Variants in ERBB4 observed in about 807,000 individuals in gnomAD.
ERBB4 encodes the protein erb-b2 receptor tyrosine kinase 4.
In ERBB4, 42 loss-of-function variants were observed where a neutral mutation model predicts 158.0. The observed-to-expected ratio is 0.27, with a 90% CI of 0.21 to 0.34. The LOEUF (loss-of-function observed/expected upper bound fraction) is 0.34. ERBB4 is among the 10% of genes least tolerant of loss of function. ERBB4 has a pLI of 1.00. For missense variants in ERBB4, 1,333 were observed against 1,624.1 expected (o/e 0.82, Z 3.08); for synonymous variants, 583 against 558.7 (o/e 1.04, Z -0.61).
chr2:212,335,660 G>C (rs937411443), intron 1 of ERBB4, among the ~76,000 whole-genome samples: 1 of 151,974 alleles, frequency 6.6e-6, no homozygotes, highest in African/African-American at 2.4e-5. Context: ...AGTAACCACA[G>C]CAATCAGATT....
chr2:211,612,509 T>C (rs953001051), intron 19 of ERBB4, among the ~76,000 whole-genome samples: 2 of 151,888 alleles, frequency 1.3e-5, no homozygotes, highest in Non-Finnish European at 2.9e-5. Flanking sequence ...ACACTTAAGC[T>C]GAGAAAATAA....
chr2:212,177,954 G>GTGTT (rs1293934303), intron 1 of ERBB4, among the ~76,000 whole-genome samples: 3 of 96,934 alleles, frequency 3.1e-5, no homozygotes, highest in South Asian at 3.3e-4. Context: ...GTGTTTGTGA[G>GTGTT]TGTGAGTGTG....
chr2:212,068,021 G>T (rs1336447029), intron 2 of ERBB4, among the ~76,000 whole-genome samples: 2 of 152,022 alleles, frequency 1.3e-5, no homozygotes, highest in African/African-American at 2.4e-5. Context: ...TAGACTTCTT[G>T]CCTATCTCAT....
chr2:211,605,196 TAA>T (rs2068937708), intron 19 of ERBB4, among the ~76,000 whole-genome samples: 1 of 152,128 alleles, frequency 6.6e-6, no homozygotes, highest in Non-Finnish European at 1.5e-5. Context: ...AATCTAAATC[TAA>T]AAGGGAGAAA....
intron 19 of ERBB4, among the ~76,000 whole-genome samples, chr2:211,575,156 G>A (rs941737918): frequency 1.2e-4 from 18 of 152,140 alleles, no homozygotes; most frequent in African/African-American, 4.3e-4. Context: ...TTCTCTGCAG[G>A]AGCTATTCAT....
intron 1 of ERBB4, among the ~76,000 whole-genome samples, chr2:212,219,248 C>T (rs563613703): frequency 5.3e-5 from 8 of 151,354 alleles, no homozygotes; most frequent in African/African-American, 1.2e-4. Context: ...GTCCTCTAAA[C>T]ATTATTGCAT....
rs558926520 is a variant in ERBB4, at chr2:212,402,047, CA to C, written c.82+136401del. Among the ~76,000 whole-genome samples, 282 of 152,178 alleles carry C rather than the reference CA, an allele frequency of 1.9e-3. 2 individuals carry two copies. Among genetic ancestry groups the C allele is most frequent in the South Asian group, 0.013 (63 of 4,826 alleles). On this transcript the variant is annotated intron_variant, in intron 1 of 27. Coordinates refer to ENST00000342788, the MANE Select transcript of ERBB4 (RefSeq NM_005235.3). ...TCAGTTATGAAAACTTACATTTACA[CA>C]AAACCCTTTGTACTAAAGTTCACAG...
intron 16 of ERBB4, among the ~76,000 whole-genome samples, chr2:211,638,775 C>G (rs985989557): frequency 2.0e-5 from 3 of 152,102 alleles, no homozygotes; most frequent in African/African-American, 7.2e-5. Flanking sequence ...TAAATATAAT[C>G]TGATCCTTTT....
chr2:211,876,543 G>C (rs947871465), intron 3 of ERBB4, among the ~76,000 whole-genome samples: 2 of 152,088 alleles, frequency 1.3e-5, no homozygotes, highest in South Asian at 2.1e-4. Flanking sequence ...ATAAATCATA[G>C]AGACTGTGTG....
intron 5 of ERBB4, among the ~76,000 whole-genome samples, chr2:211,738,071 T>C (rs1006133564): frequency 3.3e-5 from 5 of 152,076 alleles, no homozygotes; most frequent in African/African-American, 4.8e-5. Flanking sequence ...AAAATGCATA[T>C]TTTTAAAACT....
chr2:212,248,475 C>T (rs1243854243), intron 1 of ERBB4, among the ~76,000 whole-genome samples: 2 of 152,086 alleles, frequency 1.3e-5, no homozygotes, highest in African/African-American at 4.8e-5. Flanking sequence ...AAAACTTGGT[C>T]TCACATCAAT....
chr2:211,671,725 G>T (rs1329124098), intron 14 of ERBB4, among the ~76,000 whole-genome samples: 2 of 152,000 alleles, frequency 1.3e-5, no homozygotes, highest in Non-Finnish European at 2.9e-5. Flanking sequence ...TTCATTCCAT[G>T]ATTAATAGTC....
At chr2:211,721,278 G>A (rs1271276435) in intron 7 of ERBB4, among the ~76,000 whole-genome samples, 2 of 151,916 alleles carry the variant, frequency 1.3e-5, no homozygotes, top group Non-Finnish European at 2.9e-5. Flanking sequence ...TTTGGATTGT[G>A]GATGCTCAGC....
chr2:211,810,588 T>A (rs1435185558), intron 3 of ERBB4, among the ~76,000 whole-genome samples: 1 of 151,806 alleles, frequency 6.6e-6, no homozygotes, highest in East Asian at 1.9e-4. Context: ...TGTGTGTCTC[T>A]GCATGTGAGA....
intron 3 of ERBB4, among the ~76,000 whole-genome samples, chr2:211,803,894 A>G (rs2076554928): frequency 6.6e-6 from 1 of 152,234 alleles, no homozygotes; most frequent in African/African-American, 2.4e-5. Flanking sequence ...TATACAGTTC[A>G]TGAGAGAGTA....
chr2:212,266,613 G>A (rs1461797911), intron 1 of ERBB4, among the ~76,000 whole-genome samples: 1 of 151,920 alleles, frequency 6.6e-6, no homozygotes, highest in South Asian at 2.1e-4. Context: ...TCATCCTACA[G>A]ATGAATGAAG....
At chr2:211,646,620 G>A (rs749668884) in intron 16 of ERBB4, among the ~76,000 whole-genome samples, 2 of 151,610 alleles carry the variant, frequency 1.3e-5, no homozygotes, top group Non-Finnish European at 3.0e-5. Context: ...TTGCACAGCT[G>A]CATAACTGCT....
At chr2:212,210,223 A>T (rs1574440210) in intron 1 of ERBB4, among the ~76,000 whole-genome samples, 1 of 152,134 alleles carries the variant, frequency 6.6e-6, no homozygotes, top group East Asian at 1.9e-4. Context: ...CAAAAAAAAA[A>T]AAAAAAAAGA....
intron 1 of ERBB4, among the ~76,000 whole-genome samples, chr2:212,475,861 C>T (rs1422579352): frequency 1.3e-5 from 2 of 151,978 alleles, no homozygotes; most frequent in South Asian, 2.1e-4. Flanking sequence ...TCCACTTCTC[C>T]CTAGTCCCTT....
Sources: allele counts gnomAD v4.1 joint callset (sites outside exome capture counted in the v4.1 genomes callset), GRCh38; gene constraint gnomAD v4.1.1; transcripts MANE v1.5; gene names NCBI Gene and HGNC (gene_info 2026-07-23, HGNC 2026-07-21).